NIPBL: variants seen among roughly 807,000 people sequenced by gnomAD.
NIPBL encodes the protein nipped-B-like protein.
Under a neutral mutation model 321.8 loss-of-function variants are expected in NIPBL, and 19 were observed. That is an observed-to-expected ratio of 0.06 (90% CI 0.04 to 0.09). NIPBL has a LOEUF of 0.09. NIPBL is among the 10% of genes least tolerant of loss of function. NIPBL has a pLI of 1.00. For synonymous variants in NIPBL, 1,106 were observed against 1,114.1 expected (o/e 0.99, Z 0.14); for missense variants, 2,210 against 3,327.0 (o/e 0.66, Z 8.26).
chr5:36,877,788 TAA>T (rs1413698254), intron 1 of NIPBL, among the ~76,000 whole-genome samples: 4 of 152,236 alleles, frequency 2.6e-5, no homozygotes, highest in South Asian at 2.1e-4. Flanking sequence ...GGAAAGTTCA[TAA>T]AGACTCATTT....
At chr5:36,952,579 T>C (rs559263441) in intron 1 of NIPBL, among the ~76,000 whole-genome samples, 1 of 152,050 alleles carries the variant, frequency 6.6e-6, no homozygotes, top group African/African-American at 2.4e-5. Flanking sequence ...AGAGAAAAAT[T>C]TGGGGGCTTG....
At chr5:36,954,934 C>T (rs1223013360) in intron 2 of NIPBL, 2 of 153,810 alleles carry the variant, frequency 1.3e-5, no homozygotes, top group Non-Finnish European at 2.9e-5. Context: ...AAGTAGGAGA[C>T]AACTAGGAAT....
intron 4 of NIPBL, among the ~76,000 whole-genome samples, chr5:36,960,944 T>C (rs922326335): frequency 2.0e-5 from 3 of 152,172 alleles, no homozygotes; most frequent in African/African-American, 7.2e-5. Flanking sequence ...AAGGAATAGG[T>C]ACATTCTGTT....
intron 1 of NIPBL, among the ~76,000 whole-genome samples, chr5:36,896,829 G>A (rs1424991432): frequency 6.6e-6 from 1 of 151,906 alleles, no homozygotes; most frequent in Non-Finnish European, 1.5e-5. Context: ...CGAACTCCTG[G>A]CCTCAAGTGA....
chr5:36,915,119 A>ATTTT (rs1360561627), intron 1 of NIPBL, among the ~76,000 whole-genome samples: 1 of 152,034 alleles, frequency 6.6e-6, no homozygotes, highest in Non-Finnish European at 1.5e-5. Flanking sequence ...GACATTTCTC[A>ATTTT]AAGGTATAAA....
chr5:36,928,282 A>C (rs1264167575), intron 1 of NIPBL, among the ~76,000 whole-genome samples: 1 of 152,222 alleles, frequency 6.6e-6, no homozygotes, highest in Non-Finnish European at 1.5e-5. Context: ...TGCAGGTGAC[A>C]GTTTGTAAGC....
At chr5:36,962,584 A>G (rs1342786895) in intron 6 of NIPBL, among the ~76,000 whole-genome samples, 3 of 152,208 alleles carry the variant, frequency 2.0e-5, no homozygotes, top group Admixed American at 6.5e-5. Flanking sequence ...TTCTTCTTAC[A>G]TTAGCACTAA....
chr5:36,961,832 G>T (rs1464708180), intron 5 of NIPBL, among the ~76,000 whole-genome samples: 1 of 152,160 alleles, frequency 6.6e-6, no homozygotes, highest in Non-Finnish European at 1.5e-5. Context: ...TAACTAATGT[G>T]TTTGAGATAA....
At chr5:36,937,685 A>G (rs981746536) in intron 1 of NIPBL, among the ~76,000 whole-genome samples, 2 of 152,114 alleles carry the variant, frequency 1.3e-5, no homozygotes, top group African/African-American at 4.8e-5. Flanking sequence ...TTACTCTCAG[A>G]TTTCTGCATC....
intron 3 of NIPBL, among the ~76,000 whole-genome samples, chr5:36,956,613 C>CTTTTTT: frequency 7.4e-6 from 1 of 135,060 alleles, no homozygotes; most frequent in Non-Finnish European, 1.5e-5. Context: ...ATCTAAATCA[C>CTTTTTT]TTCTTTTTTT....
chr5:36,952,063 C>T (rs546669704), intron 1 of NIPBL, among the ~76,000 whole-genome samples: 4,119 of 99,362 alleles, frequency 0.041, 76 homozygotes, highest in African/African-American at 0.075. Flanking sequence ...TGCGCGCGCG[C>T]GCGCGCGCGC....
chr5:36,894,877 C>T (rs1186311037), intron 1 of NIPBL, among the ~76,000 whole-genome samples: 1 of 152,138 alleles, frequency 6.6e-6, no homozygotes, highest in Non-Finnish European at 1.5e-5. Context: ...AGATTATAAA[C>T]TCTTAGAGGA....
rs774665042 is a variant in NIPBL at position 37,046,144 on chromosome 5, G to C, written c.6534G>C (p.Met2178Ile). 6.3e-7 allele frequency: 1 copy of C among 1,575,682 alleles called. No homozygotes were observed. Among genetic ancestry groups the C allele is most frequent in the Non-Finnish European group, 8.7e-7 (1 of 1,145,228 alleles). ...NIKDKVLELL[M>I]YFTKHSDEEV... ...AAGATAAAGTACTTGAACTATTGAT[G>C]TATTTTACAAAACACTCAGATGAAG... is the stretch of plus-strand genomic sequence containing the variant. Residue 2178 changes from methionine to isoleucine, a missense_variant, in exon 38 of 47, where the codon ATG becomes ATC. Met to Ile is a conservative substitution (Grantham distance 10, BLOSUM62 1). This residue lies in a region of NIPBL where 73 missense variants were observed against 222.3 expected (regional missense o/e 0.33). Transcript: ENST00000282516.
At chr5:36,889,963 T>C (rs910963266) in intron 1 of NIPBL, among the ~76,000 whole-genome samples, 1 of 152,008 alleles carries the variant, frequency 6.6e-6, no homozygotes, top group Non-Finnish European at 1.5e-5. Context: ...ATATCAAATT[T>C]TATGTTTTTC....
chr5:36,885,007 T>C (rs920653162), intron 1 of NIPBL, among the ~76,000 whole-genome samples: 2 of 152,354 alleles, frequency 1.3e-5, no homozygotes, highest in African/African-American at 4.8e-5. Context: ...TACTGGAGTA[T>C]TGCAAGAAGT....
chr5:36,975,964 A>C lies in NIPBL; in HGVS notation c.1057A>C (p.Lys353Gln), dbSNP rs587783879. Residue 353 changes from lysine to glutamine, a missense_variant, in exon 9 of 47, where the codon AAG becomes CAG. Physicochemically the swap from Lys to Gln is moderately conservative, Grantham distance 53. Coordinates refer to ENST00000282516, the MANE Select transcript of NIPBL (RefSeq NM_133433.4). ...AMYDIISSPS[K>Q]DSTKLTLRLS... ...GTATGATATAATTAGTTCTCCATCC[A>C]AGGACTCTACTAAACTTACATTAAG... 2 of 1,614,018 alleles carry C rather than the reference A, an allele frequency of 1.2e-6. No homozygotes were observed. The highest frequency in any genetic ancestry group is 4.5e-5 in the East Asian group (2 of 44,872).
chr5:36,967,986 A>G (rs1022038329), intron 6 of NIPBL, among the ~76,000 whole-genome samples: 3 of 148,894 alleles, frequency 2.0e-5, no homozygotes, highest in African/African-American at 5.0e-5. Context: ...AGTCCCAGCT[A>G]TTTGGAGGCT....
Position 37,059,119 on chromosome 5 carries a change from C to G in NIPBL, c.7639C>G (p.Leu2547Val). ...ANVSQGILLL[L>V]MLKQHLKNLC... ...TGTGTCCCAGGGTATTTTATTACTTCTCATGTTAAAACAACATTTGAAGAA... is the reference window on the plus strand; with the variant it reads ...TGTGTCCCAGGGTATTTTATTACTTGTCATGTTAAAACAACATTTGAAGAA... The change falls in exon 44 of 47, where the codon CTC becomes GTC. Residue 2547 changes from leucine (L) to valine (V), a missense_variant. Physicochemically the swap from Leu to Val is conservative, Grantham distance 32. Transcript: ENST00000282516. The G allele has an allele frequency of 6.2e-7, 1 of 1,614,160 alleles. No individual in the cohort carries two copies.
intron 1 of NIPBL, among the ~76,000 whole-genome samples, chr5:36,901,500 CTTTTTTTTTTTTTTT>C (rs35178851): frequency 0.025 from 1,932 of 77,544 alleles, 90 homozygotes; most frequent in African/African-American, 0.1. Flanking sequence ...CTTCTAAGTC[CTTTTTTTTTTTTTTT>C]TTTTTTTTTT....
Sources: allele counts gnomAD v4.1 joint callset (sites outside exome capture counted in the v4.1 genomes callset), GRCh38; gene constraint gnomAD v4.1.1; regional missense constraint gnomAD v4.1.1; transcripts MANE v1.5; gene names NCBI Gene and HGNC (gene_info 2026-07-23, HGNC 2026-07-21).